The following PID1 variants were observed in gnomAD, a reference collection of about 807,000 sequenced individuals.
The protein encoded by PID1 is PTB-containing, cubilin and LRP1-interacting protein.
In PID1, 10 loss-of-function variants were observed where a neutral mutation model predicts 19.1. That is an observed-to-expected ratio of 0.52 (90% CI 0.32 to 0.89). The LOEUF (loss-of-function observed/expected upper bound fraction) is 0.89. Among genes scored for constraint, PID1 ranks in the 40% least tolerant of loss-of-function variants. PID1 has a pLI of 0.03. For synonymous variants in PID1, 130 were observed against 116.0 expected (o/e 1.12, Z -0.78); for missense variants, 248 against 285.3 (o/e 0.87, Z 0.94).
chr2:229,204,413 T>C (rs1691562743), intron 1 of PID1, among the ~76,000 whole-genome samples: 2 of 152,144 alleles, frequency 1.3e-5, no homozygotes, highest in Admixed American at 1.3e-4. Context: ...TGAAACATGG[T>C]AAAATGATCT....
chr2:229,188,780 C>A (rs1691191749), intron 1 of PID1, among the ~76,000 whole-genome samples: 1 of 151,654 alleles, frequency 6.6e-6, no homozygotes, highest in Non-Finnish European at 1.5e-5. Flanking sequence ...GAAGGTAACA[C>A]CACTCAGAGC....
rs549860111 is a variant in PID1 at position 229,089,773 on chromosome 2, A to C, written c.178-63665T>G. On this transcript the variant is annotated intron_variant, in intron 2 of 2. Coordinates refer to ENST00000392055, the MANE Select transcript of PID1 (RefSeq NM_001100818.2). ...TCAAGAAAGACAACATAGACTTCAGACTGTGGTGTTGATTTCTGTTTCACC... is the reference window on the plus strand; with the variant it reads ...TCAAGAAAGACAACATAGACTTCAGCCTGTGGTGTTGATTTCTGTTTCACC... Among the ~76,000 whole-genome samples the C allele has an allele frequency of 2.6e-5, 4 of 152,322 alleles. No homozygotes were observed. In the South Asian group the frequency reaches 8.3e-4, roughly 32 times the overall value.
At chr2:229,171,408 A>G (rs1346518410) in intron 1 of PID1, among the ~76,000 whole-genome samples, 1 of 152,212 alleles carries the variant, frequency 6.6e-6, no homozygotes, top group African/African-American at 2.4e-5. Flanking sequence ...TATCTGTTCT[A>G]CACGTTATCT....
Position 229,271,007 on chromosome 2 carries a change from C to T in PID1, c.30+7G>A, listed in dbSNP as rs1690723345. The T allele has an allele frequency of 6.5e-7, 1 of 1,542,696 alleles. No individual in the cohort carries two copies. Among genetic ancestry groups the T allele is most frequent in the Non-Finnish European group, 8.7e-7 (1 of 1,143,530 alleles). On this transcript the variant is annotated splice_region_variant and intron_variant, in intron 1 of 2. Transcript: ENST00000392055. Reference sequence around the variant, plus strand: ...AGGCTGGCCCCCGGCTCCCGGGTGCCCCTTACCTGCAGGCGCTCCGTGGCC... The same window carrying T: ...AGGCTGGCCCCCGGCTCCCGGGTGCTCCTTACCTGCAGGCGCTCCGTGGCC...
chr2:229,191,462 T>C (rs569944361), intron 1 of PID1, among the ~76,000 whole-genome samples: 39 of 152,240 alleles, frequency 2.6e-4, no homozygotes, highest in African/African-American at 8.9e-4. Flanking sequence ...CAATTCCATA[T>C]ACAAAATGCT....
chr2:229,063,942 C>T (rs1269515697), intron 2 of PID1, among the ~76,000 whole-genome samples: 2 of 151,850 alleles, frequency 1.3e-5, no homozygotes, highest in African/African-American at 2.4e-5. Flanking sequence ...GCAATGAGTG[C>T]CCAGGGCCTC....
At chr2:229,228,855 T>C (rs1692140494) in intron 1 of PID1, among the ~76,000 whole-genome samples, 1 of 152,232 alleles carries the variant, frequency 6.6e-6, no homozygotes, top group African/African-American at 2.4e-5. Context: ...GAGATACTTC[T>C]AGCTTAAGCA....
intron 1 of PID1, among the ~76,000 whole-genome samples, chr2:229,188,653 C>A (rs1691185604): frequency 6.6e-6 from 1 of 151,380 alleles, no homozygotes; most frequent in African/African-American, 2.4e-5. Flanking sequence ...GCAGGAGAAT[C>A]ACTTGAACCC....
At chr2:229,168,295 T>C (rs960434808) in intron 1 of PID1, among the ~76,000 whole-genome samples, 1 of 152,172 alleles carries the variant, frequency 6.6e-6, no homozygotes, top group Non-Finnish European at 1.5e-5. Context: ...TTCAATTACA[T>C]ATATTTTAGA....
At position 229,039,631 on chromosome 2, in the gene PID1, C is replaced by T. The variant is rs75411915; in HGVS notation, c.178-13523G>A. Among the ~76,000 whole-genome samples the T allele has an allele frequency of 8.8e-3, 1,337 of 152,206 alleles. 24 individuals are homozygous for T. The highest frequency in any genetic ancestry group is 0.029 in the African/African-American group (1,194 of 41,516). On this transcript the variant is annotated intron_variant, in intron 2 of 2. Transcript: ENST00000392055. ...AATCCCTAGATTATCTCTTAACTGACGGATTCTTATTTAAAATATCTACTC... is the reference window on the plus strand; with the variant it reads ...AATCCCTAGATTATCTCTTAACTGATGGATTCTTATTTAAAATATCTACTC...
At chr2:229,259,189 C>G (rs1428049342) in intron 1 of PID1, among the ~76,000 whole-genome samples, 1 of 151,422 alleles carries the variant, frequency 6.6e-6, no homozygotes, top group Non-Finnish European at 1.5e-5. Flanking sequence ...TAGTTCAAAT[C>G]TTTTCCTGGT....
intron 1 of PID1, among the ~76,000 whole-genome samples, chr2:229,156,927 A>G (rs1247679361): frequency 6.6e-6 from 1 of 152,206 alleles, no homozygotes; most frequent in African/African-American, 2.4e-5. Flanking sequence ...CTTGTGCCTT[A>G]GGACCCCTGA....
chr2:229,029,082 G>T (rs1693488386), intron 2 of PID1, among the ~76,000 whole-genome samples: 1 of 151,928 alleles, frequency 6.6e-6, no homozygotes, highest in African/African-American at 2.4e-5. Context: ...AGGAGGGGGA[G>T]GGTTGCGGGG....
At chr2:229,107,461 G>A (rs1695199752) in intron 2 of PID1, among the ~76,000 whole-genome samples, 2 of 141,922 alleles carry the variant, frequency 1.4e-5, no homozygotes, top group Admixed American at 1.5e-4. Context: ...TTTTCTTAAA[G>A]AGAACAGTGA....
chr2:229,192,091 G>A (rs1203411968), intron 1 of PID1, among the ~76,000 whole-genome samples: 1 of 151,624 alleles, frequency 6.6e-6, no homozygotes, highest in Non-Finnish European at 1.5e-5. Flanking sequence ...GAAAATAGGG[G>A]GTATAAAAAA....
intron 2 of PID1, among the ~76,000 whole-genome samples, chr2:229,124,188 T>C (rs1348939012): frequency 6.6e-6 from 1 of 152,220 alleles, no homozygotes; most frequent in African/African-American, 2.4e-5. Context: ...ATTTTCTTTT[T>C]GACCTAACAA....
At chr2:229,231,179 C>G (rs1420550493) in intron 1 of PID1, among the ~76,000 whole-genome samples, 1 of 152,024 alleles carries the variant, frequency 6.6e-6, no homozygotes, top group Non-Finnish European at 1.5e-5. Context: ...TTAGAGGCCA[C>G]CGAGATCTCA....
chr2:229,068,535 G>T (rs114773885), intron 2 of PID1, among the ~76,000 whole-genome samples: 1 of 152,120 alleles, frequency 6.6e-6, no homozygotes, highest in Non-Finnish European at 1.5e-5. Flanking sequence ...TTTCCACTAC[G>T]TCATTTTGTC....
chr2:229,171,036 T>G (rs1298396024), intron 1 of PID1, among the ~76,000 whole-genome samples: 3 of 152,206 alleles, frequency 2.0e-5, no homozygotes, highest in Non-Finnish European at 2.9e-5. Context: ...TCCCCAAGTA[T>G]AGCCCAAGGG....
Sources: allele counts gnomAD v4.1 joint callset (sites outside exome capture counted in the v4.1 genomes callset), GRCh38; gene constraint gnomAD v4.1.1; transcripts MANE v1.5; gene names NCBI Gene and HGNC (gene_info 2026-07-23, HGNC 2026-07-21).